Variants in SHANK2 observed in about 807,000 individuals in gnomAD.
SHANK2 encodes SH3 and multiple ankyrin repeat domains 2.
SHANK2 carries 43 observed loss-of-function variants against 133.7 expected under a neutral mutation model. The ratio of observed to expected loss-of-function variants is 0.32; its 90% confidence interval spans 0.25 to 0.41. The LOEUF (loss-of-function observed/expected upper bound fraction) is 0.41. Among genes scored for constraint, SHANK2 ranks in the 10% least tolerant of loss-of-function variants. The pLI is 1.00. For missense variants in SHANK2, 1,994 were observed against 2,235.8 expected, an observed-to-expected ratio of 0.89 and a Z score of 2.18; for synonymous variants, 1,017 against 952.8, an observed-to-expected ratio of 1.07 and a Z score of -1.24.
At chr11:70,902,412 A>C (rs1440952116) in intron 10 of SHANK2, among the ~76,000 whole-genome samples, 1 of 152,234 alleles carries the variant, frequency 6.6e-6, no homozygotes, top group East Asian at 1.9e-4. Flanking sequence ...CTCTCAGCCA[A>C]GTGTGCGGCC....
At chr11:70,746,429 A>C (rs1555036098) in intron 14 of SHANK2, among the ~76,000 whole-genome samples, 1 of 140,828 alleles carries the variant, frequency 7.1e-6, no homozygotes, top group Non-Finnish European at 1.5e-5. Context: ...CACAGCCCCC[A>C]TCTCCTCTCC....
chr11:70,829,811 C>T (rs563131232), intron 11 of SHANK2, among the ~76,000 whole-genome samples: 1 of 152,330 alleles, frequency 6.6e-6, no homozygotes, highest in Admixed American at 6.5e-5. Context: ...GTCTCATGCA[C>T]ACACCTACTG....
At chr11:71,227,142 G>A (rs1954655866) in intron 1 of SHANK2, among the ~76,000 whole-genome samples, 1 of 151,972 alleles carries the variant, frequency 6.6e-6, no homozygotes, top group African/African-American at 2.4e-5. Flanking sequence ...CCTAAAAAAT[G>A]TTTAAAAATG....
At position 70,820,631 on chromosome 11, in the gene SHANK2, T is replaced by G; in HGVS notation, c.1226A>C (p.Asn409Thr). 5.6e-6 allele frequency: 4 copies of G among 710,812 alleles called. No homozygotes were observed. The highest frequency in any genetic ancestry group is 1.0e-5 in the Non-Finnish European group (4 of 381,284). 44.0% of individuals were successfully genotyped at this position (710,812 alleles called of 1,614,324 possible). ...AYSNRRRRPP[N>T]TLAAPRVLLR... ...CAGGACCCGGGGGGCGGCCAGCGTG[T>G]TGGGGGGCCGCCGCCGGCGGTTGGA... Residue 409 changes from asparagine (N) to threonine (T), a missense_variant, in exon 12 of 26, where the codon AAC becomes ACC. Transcript: ENST00000601538.
chr11:70,943,311 C>G (rs1950673759), intron 10 of SHANK2, among the ~76,000 whole-genome samples: 1 of 152,124 alleles, frequency 6.6e-6, no homozygotes, highest in Admixed American at 6.5e-5. Flanking sequence ...GAAAGTGTGG[C>G]CGTGCTAGGG....
At chr11:71,191,885 G>C (rs1482941392) in intron 2 of SHANK2, among the ~76,000 whole-genome samples, 1 of 149,376 alleles carries the variant, frequency 6.7e-6, no homozygotes, top group Non-Finnish European at 1.5e-5. Flanking sequence ...TTTTAAGATA[G>C]AGTCTCGCTC....
rs1178266722 is a variant in SHANK2, at chr11:70,698,769, CAG to C, written c.1778-8_1778-7del. The C allele has an allele frequency of 3.2e-5, 23 of 718,486 alleles. No individual in the cohort carries two copies. Among genetic ancestry groups the C allele is most frequent in the Admixed American group, 3.0e-4 (15 of 50,002 alleles). The allele number at this position is 718,486 out of a possible 1,614,324, so 44.5% of individuals were successfully genotyped here. On this transcript the variant is annotated splice_polypyrimidine_tract_variant and splice_region_variant and intron_variant, in intron 14 of 25. Coordinates refer to ENST00000601538, the MANE Select transcript of SHANK2 (RefSeq NM_012309.5). ...GCTGCGGTCAGCGCGGGTTTCTGTA[CAG>C]AGAGGGAAGAGAAACACCATTCAGA...
intron 17 of SHANK2, among the ~76,000 whole-genome samples, chr11:70,549,480 C>T (rs570802517): frequency 1.3e-5 from 2 of 152,322 alleles, no homozygotes; most frequent in East Asian, 1.9e-4. Context: ...GATGGGACAT[C>T]GACTAGGACG....
chr11:70,525,042 T>C (rs1297148245), intron 17 of SHANK2, among the ~76,000 whole-genome samples: 1 of 152,192 alleles, frequency 6.6e-6, no homozygotes, highest in Non-Finnish European at 1.5e-5. Context: ...TCTGTGCAGG[T>C]CCCAGCTGCA....
At chr11:70,793,896 A>C (rs183224127) in intron 14 of SHANK2, among the ~76,000 whole-genome samples, 1 of 152,354 alleles carries the variant, frequency 6.6e-6, no homozygotes, top group African/African-American at 2.4e-5. Flanking sequence ...CATATTAGCC[A>C]AAACTGAGAA....
Position 71,075,253 on chromosome 11 carries a change from T to C in SHANK2, c.935A>G (p.Gln312Arg). The C allele has an allele frequency of 4.1e-6, 1 of 246,028 alleles. No homozygotes were observed. The allele number at this position is 246,028 out of a possible 1,614,324, so 15.2% of individuals were successfully genotyped here. A position where few individuals can be genotyped will look rare whatever the true frequency, so the allele number is the denominator to read the frequency against. Residue 312 changes from glutamine (Q) to arginine (R), a missense_variant, in exon 9 of 26, where the codon CAG (glutamine) becomes CGG (arginine). Coordinates refer to ENST00000601538, the MANE Select transcript of SHANK2 (RefSeq NM_012309.5). ...GTAGAACAGCAGGTGCTCCAGGTGC[T>C]GCACGTGCCCGTACCTGCAGGCCTG... ...IHQACRYGHV[Q>R]HLEHLLFYGA...
chr11:71,196,431 G>A (rs35299717), intron 2 of SHANK2, among the ~76,000 whole-genome samples: 35,688 of 151,618 alleles, frequency 0.24, 4,813 homozygotes, highest in East Asian at 0.42. Context: ...GATTACAGGC[G>A]CATGCCACCA....
chr11:70,624,905 G>C (rs1421921975), intron 17 of SHANK2, among the ~76,000 whole-genome samples: 1 of 152,184 alleles, frequency 6.6e-6, no homozygotes, highest in Non-Finnish European at 1.5e-5. Flanking sequence ...GGCCTGCGGG[G>C]GGTGTCCCAA....
At chr11:71,133,346 A>ATGGATGGCTGGCTGGCTGGCTGGCTGGC (rs1172807204) in intron 3 of SHANK2, among the ~76,000 whole-genome samples, 8,548 of 111,902 alleles carry the variant, frequency 0.076, 1,276 homozygotes, top group African/African-American at 0.27. Flanking sequence ...GGGAGGATGC[A>ATGGATGGCTGGCTGGCTGGCTGGCTGGC]TGGCTGGCTG....
intron 17 of SHANK2, among the ~76,000 whole-genome samples, chr11:70,519,733 T>C (rs1020689124): frequency 6.6e-6 from 1 of 152,016 alleles, no homozygotes; most frequent in Admixed American, 6.6e-5. Context: ...ACAATTACTA[T>C]TGTTTTTATT....
intron 21 of SHANK2, among the ~76,000 whole-genome samples, chr11:70,494,173 G>A (rs943116907): frequency 1.3e-5 from 2 of 152,192 alleles, no homozygotes; most frequent in African/African-American, 4.8e-5. Flanking sequence ...ACCTTGCAGA[G>A]CAGCTGAGAC....
At chr11:70,714,031 G>T (rs1173074005) in intron 14 of SHANK2, among the ~76,000 whole-genome samples, 2 of 152,170 alleles carry the variant, frequency 1.3e-5, no homozygotes, top group African/African-American at 4.8e-5. Context: ...TCTACCCCAG[G>T]GGCCAGGAAG....
intron 2 of SHANK2, among the ~76,000 whole-genome samples, chr11:71,180,645 G>A (rs1031413963): frequency 4.6e-5 from 7 of 152,014 alleles, no homozygotes; most frequent in Non-Finnish European, 1.0e-4. Flanking sequence ...TTTGGCGGGG[G>A]CGGCGGGAAT....
intron 10 of SHANK2, chr11:70,943,058 G>T (rs1555084666): frequency 2.2e-6 from 1 of 456,814 alleles, no homozygotes; most frequent in Admixed American, 2.3e-5. Context: ...CAAAATAAAA[G>T]CTTCCTGCAG....
Sources: allele counts gnomAD v4.1 joint callset (sites outside exome capture counted in the v4.1 genomes callset), GRCh38; gene constraint gnomAD v4.1.1; transcripts MANE v1.5; gene names NCBI Gene and HGNC (gene_info 2026-07-23, HGNC 2026-07-21).